The following KCNIP4 variants were observed in gnomAD, a reference collection of about 807,000 sequenced individuals.
KCNIP4 encodes Kv channel-interacting protein 4.
Under a neutral mutation model 34.0 loss-of-function variants are expected in KCNIP4, and 12 were observed. The observed-to-expected ratio is 0.35, with a 90% CI of 0.23 to 0.57. The LOEUF (loss-of-function observed/expected upper bound fraction) is 0.57. KCNIP4 is among the 20% of genes least tolerant of loss of function. KCNIP4 has a pLI of 0.83. For missense variants in KCNIP4, 238 were observed against 311.7 expected, an observed-to-expected ratio of 0.76 and a Z score of 1.78; for synonymous variants, 124 against 102.2, an observed-to-expected ratio of 1.21 and a Z score of -1.29.
chr4:21,403,083 G>A (rs1723679187), intron 1 of KCNIP4, among the ~76,000 whole-genome samples: 2 of 152,144 alleles, frequency 1.3e-5, no homozygotes, highest in African/African-American at 4.8e-5. Context: ...CTGATCAGCA[G>A]CATTTGGGAG....
intron 1 of KCNIP4, among the ~76,000 whole-genome samples, chr4:20,891,570 A>C (rs192550510): frequency 6.6e-6 from 1 of 152,106 alleles, no homozygotes; most frequent in African/African-American, 2.4e-5. Context: ...ACGCCACGGC[A>C]CTCTAGCCTG....
intron 1 of KCNIP4, among the ~76,000 whole-genome samples, chr4:21,112,915 A>G (rs1237053714): frequency 1.3e-5 from 2 of 152,290 alleles, no homozygotes; most frequent in East Asian, 3.9e-4. Context: ...CACTGATATT[A>G]AGATAGCCAA....
At chr4:21,496,107 C>G (rs1732828842) in intron 1 of KCNIP4, among the ~76,000 whole-genome samples, 2 of 152,140 alleles carry the variant, frequency 1.3e-5, no homozygotes, top group Non-Finnish European at 2.9e-5. Flanking sequence ...ATTGAACAAG[C>G]AAGAAAAGAT....
In KCNIP4 at chr4:21,132,210, G is replaced by A. The variant is rs573987487; in HGVS notation, c.62-249501C>T. On this transcript the variant is annotated intron_variant, in intron 1 of 8. Transcript: ENST00000382152. ...AGCACCAACAACAGGAATTTCACCA[G>A]CCATATAAGAACAGCCTGTTTCTGT... Among the ~76,000 whole-genome samples, 3 of 152,314 alleles carry A rather than the reference G, an allele frequency of 2.0e-5. No homozygotes were observed. The South Asian group carries it at 6.2e-4, about 32-fold the overall frequency.
intron 1 of KCNIP4, among the ~76,000 whole-genome samples, chr4:21,211,477 C>T (rs1757219816): frequency 6.6e-6 from 1 of 152,026 alleles, no homozygotes; most frequent in African/African-American, 2.4e-5. Context: ...GTGAGGGATC[C>T]AGGTTGCATG....
intron 1 of KCNIP4, among the ~76,000 whole-genome samples, chr4:21,434,367 T>A (rs2109678980): frequency 6.6e-6 from 1 of 152,330 alleles, no homozygotes; most frequent in South Asian, 2.1e-4. Context: ...AAAAATGTTA[T>A]CAATTGAATA....
At chr4:21,585,505 A>G (rs186801764) in intron 1 of KCNIP4, among the ~76,000 whole-genome samples, 86 of 152,276 alleles carry the variant, frequency 5.6e-4, no homozygotes, top group African/African-American at 2.0e-3. Flanking sequence ...AGAAATTGCC[A>G]TATATTTCAC....
At chr4:21,377,682 A>C (rs763671356) in intron 1 of KCNIP4, among the ~76,000 whole-genome samples, 2 of 152,204 alleles carry the variant, frequency 1.3e-5, no homozygotes, top group Non-Finnish European at 2.9e-5. Flanking sequence ...GCAATGTGTG[A>C]GAATATTATG....
intron 1 of KCNIP4, among the ~76,000 whole-genome samples, chr4:21,681,951 C>T (rs1434890970): frequency 2.6e-5 from 4 of 151,502 alleles, no homozygotes; most frequent in East Asian, 3.9e-4. Context: ...TGTAGTGGTA[C>T]GGCCTTGGCT....
At chr4:21,813,073 C>T (rs1272346066) in intron 1 of KCNIP4, among the ~76,000 whole-genome samples, 2 of 152,110 alleles carry the variant, frequency 1.3e-5, no homozygotes, top group Non-Finnish European at 2.9e-5. Context: ...CCAGATGTTG[C>T]CATAATCTGC....
chr4:21,740,871 G>A (rs1577926026), intron 1 of KCNIP4, among the ~76,000 whole-genome samples: 1 of 152,044 alleles, frequency 6.6e-6, no homozygotes, highest in Admixed American at 6.6e-5. Flanking sequence ...TTCACAGATG[G>A]TCAAGAAAAG....
At chr4:21,135,807 T>G (rs960138336) in intron 1 of KCNIP4, among the ~76,000 whole-genome samples, 2 of 152,128 alleles carry the variant, frequency 1.3e-5, no homozygotes, top group Non-Finnish European at 2.9e-5. Flanking sequence ...TTTATTTCCT[T>G]GGGTCAGCTC....
intron 1 of KCNIP4, among the ~76,000 whole-genome samples, chr4:20,946,053 A>G (rs1475158431): frequency 6.6e-6 from 1 of 152,304 alleles, no homozygotes; most frequent in East Asian, 1.9e-4. Context: ...AGAAGTTTAT[A>G]TATGTCAGAC....
intron 1 of KCNIP4, among the ~76,000 whole-genome samples, chr4:20,906,555 C>T (rs776860098): frequency 2.6e-5 from 4 of 152,146 alleles, no homozygotes; most frequent in Non-Finnish European, 4.4e-5. Flanking sequence ...TCATTTGCTC[C>T]CCCTTGCCTT....
At chr4:20,816,538 C>T (rs1003440810) in intron 3 of KCNIP4, among the ~76,000 whole-genome samples, 13 of 152,146 alleles carry the variant, frequency 8.5e-5, no homozygotes, top group East Asian at 1.9e-4. Flanking sequence ...TGGCACAACT[C>T]GCATCATTAC....
chr4:21,528,761 A>G (rs1220091824), intron 1 of KCNIP4, among the ~76,000 whole-genome samples: 3 of 10,350 alleles, frequency 2.9e-4, no homozygotes, highest in African/African-American at 8.3e-4. Context: ...GAAAGAAAGA[A>G]AGAAAGAAAG....
chr4:21,897,898 T>C (rs758250837), intron 1 of KCNIP4, among the ~76,000 whole-genome samples: 5 of 152,142 alleles, frequency 3.3e-5, no homozygotes, highest in Non-Finnish European at 7.4e-5. Context: ...CCTACACCAC[T>C]CCATCACCAT....
chr4:21,918,597 A>C (rs1463458050), intron 1 of KCNIP4, among the ~76,000 whole-genome samples: 3 of 152,178 alleles, frequency 2.0e-5, no homozygotes, highest in African/African-American at 7.2e-5. Context: ...CCTTATGCCC[A>C]CCAAGGTAGA....
intron 3 of KCNIP4, among the ~76,000 whole-genome samples, chr4:20,848,862 T>A (rs1300871881): frequency 6.6e-6 from 1 of 152,172 alleles, no homozygotes; most frequent in Non-Finnish European, 1.5e-5. Context: ...GAAGTTTAGG[T>A]GTTCACATGA....
Sources: gnomAD v4.1 joint callset for allele counts (sites outside exome capture counted in the v4.1 genomes callset) on GRCh38, gnomAD v4.1.1 for gene constraint, MANE v1.5 for transcripts, NCBI Gene and HGNC (gene_info 2026-07-23, HGNC 2026-07-21) for gene names.